Variants in ZNF423 observed in about 807,000 individuals in gnomAD.
ZNF423 encodes the protein zinc finger protein 423, also known as Ebf-associated zinc finger protein.
Under a neutral mutation model 95.8 loss-of-function variants are expected in ZNF423, and 12 were observed. The observed-to-expected ratio is 0.13, with a 90% CI of 0.08 to 0.20. The LOEUF (loss-of-function observed/expected upper bound fraction) is 0.20, where lower values mean the gene tolerates loss of function less well. ZNF423 is among the 10% of genes least tolerant of loss of function. The pLI, the probability that ZNF423 is intolerant of heterozygous loss-of-function variation, is 1.00. For missense variants in ZNF423, 1,316 were observed against 1,737.1 expected, an observed-to-expected ratio of 0.76 and a Z score of 4.31; for synonymous variants, 749 against 711.9, an observed-to-expected ratio of 1.05 and a Z score of -0.83.
intron 5 of ZNF423, among the ~76,000 whole-genome samples, chr16:49,550,109 C>T (rs972988564): frequency 6.6e-6 from 1 of 152,206 alleles, no homozygotes. Flanking sequence ...CTTAAGCAAT[C>T]CTCCTACCGT....
At chr16:49,509,714 A>G (rs1278236249) in intron 7 of ZNF423, among the ~76,000 whole-genome samples, 3 of 152,136 alleles carry the variant, frequency 2.0e-5, no homozygotes, top group Non-Finnish European at 4.4e-5. Flanking sequence ...CCCGCTCCCA[A>G]TAAGTCAGGA....
intron 2 of ZNF423, among the ~76,000 whole-genome samples, chr16:49,739,695 GGTTTTT>G (rs2033373517): frequency 2.3e-5 from 3 of 132,734 alleles, no homozygotes; most frequent in Non-Finnish European, 1.6e-5. Context: ...GTTTTTGTTT[GGTTTTT>G]TTTTTTTTTT....
intron 7 of ZNF423, among the ~76,000 whole-genome samples, chr16:49,513,050 C>T (rs1204088251): frequency 6.6e-6 from 1 of 152,118 alleles, no homozygotes; most frequent in Non-Finnish European, 1.5e-5. Flanking sequence ...GAGCCGAGAT[C>T]GTGTTACTGC....
At chr16:49,502,618 G>A (rs1438257727) in intron 7 of ZNF423, among the ~76,000 whole-genome samples, 2 of 151,980 alleles carry the variant, frequency 1.3e-5, no homozygotes, top group Non-Finnish European at 2.9e-5. Flanking sequence ...TTGCTTCAAA[G>A]GACCTGAGAT....
chr16:49,687,827 T>C (rs1433558365), intron 3 of ZNF423, among the ~76,000 whole-genome samples: 1 of 152,082 alleles, frequency 6.6e-6, no homozygotes, highest in Non-Finnish European at 1.5e-5. Context: ...CTCCTTTTTC[T>C]CTGCCCCCCA....
At chr16:49,768,242 G>A (rs375074536) in intron 2 of ZNF423, among the ~76,000 whole-genome samples, 1 of 152,216 alleles carries the variant, frequency 6.6e-6, no homozygotes, top group African/African-American at 2.4e-5. Flanking sequence ...GCCGGGAACG[G>A]GGGCGCGGCG....
At chr16:49,763,945 G>C (rs1207372608) in intron 2 of ZNF423, among the ~76,000 whole-genome samples, 2 of 152,136 alleles carry the variant, frequency 1.3e-5, no homozygotes, top group African/African-American at 2.4e-5. Flanking sequence ...ACTCAGCGGA[G>C]AGCTACCTCT....
At chr16:49,702,563 G>A (rs928493549) in intron 3 of ZNF423, among the ~76,000 whole-genome samples, 1 of 152,126 alleles carries the variant, frequency 6.6e-6, no homozygotes, top group Non-Finnish European at 1.5e-5. Flanking sequence ...GGGGGCTGGC[G>A]GGCCCCTCAC....
chr16:49,491,348 G>C, intron 7 of ZNF423, 44 bp from the exon 8 acceptor site: 1 of 1,612,638 alleles, frequency 6.2e-7, no homozygotes. Context: ...GAGAAGAATG[G>C]AGAGCATGCT....
At chr16:49,663,398 C>G (rs895428397) in intron 3 of ZNF423, among the ~76,000 whole-genome samples, 1 of 152,110 alleles carries the variant, frequency 6.6e-6, no homozygotes, top group South Asian at 2.1e-4. Context: ...CCCCAGCCCA[C>G]CCCCCTCGAG....
At chr16:49,854,696 G>C (rs1487859932) in intron 1 of ZNF423, 1 of 985,338 alleles carries the variant, frequency 1.0e-6, no homozygotes, top group Non-Finnish European at 1.2e-6. Context: ...GGCCAGCCGC[G>C]GGGAGAGGAG....
intron 5 of ZNF423, among the ~76,000 whole-genome samples, chr16:49,561,961 C>T (rs1349385934): frequency 1.3e-5 from 2 of 152,264 alleles, no homozygotes; most frequent in South Asian, 2.1e-4. Flanking sequence ...GGATAAATTA[C>T]AATAACCAGT....
intron 5 of ZNF423, among the ~76,000 whole-genome samples, chr16:49,600,745 T>C (rs1331784179): frequency 2.0e-5 from 3 of 152,150 alleles, no homozygotes; most frequent in African/African-American, 4.8e-5. Context: ...TAGCTCGTAA[T>C]GGCCCCGAAG....
chr16:49,708,781 G>A (rs989684958), intron 3 of ZNF423, among the ~76,000 whole-genome samples: 6 of 152,148 alleles, frequency 3.9e-5, no homozygotes, highest in Admixed American at 3.3e-4. Flanking sequence ...TTGGACTAAT[G>A]TCTGTTCCCC....
chr16:49,831,058 T>C (rs753146280), intron 1 of ZNF423, among the ~76,000 whole-genome samples: 1 of 152,128 alleles, frequency 6.6e-6, no homozygotes, highest in Non-Finnish European at 1.5e-5. Context: ...CTATCAGAGA[T>C]GCAACCCTCT....
intron 1 of ZNF423, among the ~76,000 whole-genome samples, chr16:49,840,139 G>A (rs1018534538): frequency 2.6e-5 from 4 of 152,088 alleles, no homozygotes; most frequent in South Asian, 2.1e-4. Flanking sequence ...AACCTAAACC[G>A]TGCCCCAGAT....
chr16:49,698,166 G>C (rs2032044099), intron 3 of ZNF423, among the ~76,000 whole-genome samples: 1 of 152,152 alleles, frequency 6.6e-6, no homozygotes, highest in Non-Finnish European at 1.5e-5. Context: ...CTTTTCAGTG[G>C]GGTTTTCTTT....
intron 2 of ZNF423, among the ~76,000 whole-genome samples, chr16:49,740,811 G>T (rs1373408494): frequency 6.6e-6 from 1 of 152,222 alleles, no homozygotes; most frequent in Non-Finnish European, 1.5e-5. Flanking sequence ...CCACAGAAAT[G>T]ACTAGAAACT....
chr16:49,824,156 A>G (rs939265656), intron 1 of ZNF423, among the ~76,000 whole-genome samples: 1 of 152,114 alleles, frequency 6.6e-6, no homozygotes, highest in African/African-American at 2.4e-5. Flanking sequence ...CTGGGGGGGA[A>G]TGTCCCAAAA....
Sources: gnomAD v4.1 joint callset for allele counts (sites outside exome capture counted in the v4.1 genomes callset) on GRCh38, gnomAD v4.1.1 for gene constraint, MANE v1.5 for transcripts, NCBI Gene and HGNC (gene_info 2026-07-23, HGNC 2026-07-21) for gene names.